The following CLNK variants were observed in gnomAD, a reference collection of about 807,000 sequenced individuals.
CLNK encodes cytokine dependent hematopoietic cell linker, also known as cytokine-dependent hematopoietic cell linker.
Under a neutral mutation model 68.6 loss-of-function variants are expected in CLNK, and 74 were observed. The observed-to-expected ratio is 1.08, with a 90% CI of 0.89 to 1.31. CLNK has a LOEUF of 1.31. Ranked by LOEUF, CLNK falls within the 50% of genes most tolerant of loss-of-function variation. The pLI is 0.00. For synonymous variants in CLNK, 198 were observed against 172.2 expected, an observed-to-expected ratio of 1.15 and a Z score of -1.17; for missense variants, 553 against 515.3, an observed-to-expected ratio of 1.07 and a Z score of -0.71.
chr4:10,654,869 G>T (rs1158045272), intron 2 of CLNK, among the ~76,000 whole-genome samples: 1 of 152,016 alleles, frequency 6.6e-6, no homozygotes, highest in Non-Finnish European at 1.5e-5. Context: ...TTGGGAGGCC[G>T]AGGCGGGCGG....
At chr4:10,648,048 C>T (rs955291116) in intron 2 of CLNK, among the ~76,000 whole-genome samples, 3 of 152,134 alleles carry the variant, frequency 2.0e-5, no homozygotes, top group Non-Finnish European at 4.4e-5. Context: ...GGCTGGAAAC[C>T]AGAAAAAATT....
At chr4:10,656,477 A>G (rs1375634548) in intron 2 of CLNK, 1 of 152,108 alleles carries the variant, frequency 6.6e-6, no homozygotes, top group East Asian at 1.9e-4. Context: ...AAGCTATACT[A>G]TAGTCAAAAA....
chr4:10,720,396 G>A, the CLNK span, among the ~76,000 whole-genome samples: 2 of 151,822 alleles, frequency 1.3e-5, no homozygotes, highest in African/African-American at 2.4e-5. Context: ...CTCAAAACCC[G>A]ATGAAAAAAA....
At chr4:10,671,212 C>G (rs1388450501) in intron 1 of CLNK, among the ~76,000 whole-genome samples, 2 of 152,048 alleles carry the variant, frequency 1.3e-5, no homozygotes, top group Non-Finnish European at 1.5e-5. Context: ...ATGGTGGAAC[C>G]CGTCTCTACT....
intron 4 of CLNK, among the ~76,000 whole-genome samples, chr4:10,575,636 C>T (rs902932310): frequency 1.6e-4 from 24 of 152,242 alleles, no homozygotes; most frequent in Non-Finnish European, 2.9e-4. Flanking sequence ...GCGTGGATCT[C>T]CCAGCCCTGG....
chr4:10,731,362 C>T, the CLNK span, among the ~76,000 whole-genome samples: 49 of 152,308 alleles, frequency 3.2e-4, no homozygotes, highest in African/African-American at 8.9e-4. Context: ...CCGGGTGGTT[C>T]GGGGCTCCCA....
chr4:10,699,157 G>C, the CLNK span, among the ~76,000 whole-genome samples: 1 of 131,642 alleles, frequency 7.6e-6, no homozygotes, highest in Non-Finnish European at 1.6e-5. Context: ...ATGATCGTAT[G>C]AGCCAATTCC....
At chr4:10,578,733 G>A (rs1002915746) in intron 4 of CLNK, among the ~76,000 whole-genome samples, 2 of 151,508 alleles carry the variant, frequency 1.3e-5, no homozygotes, top group African/African-American at 2.4e-5. Flanking sequence ...CACCACATCT[G>A]GCTAATTTTT....
chr4:10,699,811 G>T, the CLNK span, among the ~76,000 whole-genome samples: 2 of 151,898 alleles, frequency 1.3e-5, no homozygotes, highest in African/African-American at 4.8e-5. Context: ...ACGGCACCCC[G>T]CCACTCCATA....
chr4:10,642,760 A>C (rs1454261665), intron 2 of CLNK, among the ~76,000 whole-genome samples: 4 of 152,206 alleles, frequency 2.6e-5, no homozygotes, highest in Non-Finnish European at 4.4e-5. Flanking sequence ...AAAGTCATCT[A>C]ACTTCTTTAA....
chr4:10,678,134 C>T (rs772320232), intron 1 of CLNK, among the ~76,000 whole-genome samples: 119 of 152,164 alleles, frequency 7.8e-4, no homozygotes, highest in Non-Finnish European at 1.4e-3. Flanking sequence ...TTTTTCTCTT[C>T]TTTTATTCAG....
intron 15 of CLNK, among the ~76,000 whole-genome samples, chr4:10,519,756 G>A (rs536404922): frequency 3.3e-4 from 51 of 152,282 alleles, no homozygotes; most frequent in African/African-American, 9.9e-4. Context: ...GAAGAAAAGA[G>A]AATGCAGAAA....
At chr4:10,686,628 C>T (rs1235279481), upstream of CLNK, among the ~76,000 whole-genome samples, 2 of 150,218 alleles carry the variant, frequency 1.3e-5, no homozygotes, top group East Asian at 2.0e-4. Context: ...CTGCTTGCAT[C>T]CTAGATGCCA....
At chr4:10,573,834 T>C (rs888097315) in intron 4 of CLNK, among the ~76,000 whole-genome samples, 13 of 152,106 alleles carry the variant, frequency 8.5e-5, no homozygotes, top group Non-Finnish European at 5.9e-5. Flanking sequence ...TCTGTGTCTG[T>C]GGGTACAGAC....
intron 5 of CLNK, among the ~76,000 whole-genome samples, chr4:10,568,036 G>A (rs531722878): frequency 6.6e-6 from 1 of 152,280 alleles, no homozygotes; most frequent in African/African-American, 2.4e-5. Context: ...GTTAAACACA[G>A]AGCTACCATA....
chr4:10,635,503 T>C (rs938170701), intron 2 of CLNK, among the ~76,000 whole-genome samples: 2 of 152,202 alleles, frequency 1.3e-5, no homozygotes, highest in Admixed American at 6.5e-5. Context: ...GATATATACT[T>C]AGATACTCTC....
chr4:10,642,418 C>A (rs1431676401), intron 2 of CLNK, among the ~76,000 whole-genome samples: 1 of 152,088 alleles, frequency 6.6e-6, no homozygotes, highest in African/African-American at 2.4e-5. Context: ...GAATAAGGAA[C>A]ATTTTTTTTC....
At chr4:10,717,690 C>G in the CLNK span, among the ~76,000 whole-genome samples, 2 of 152,224 alleles carry the variant, frequency 1.3e-5, no homozygotes, top group South Asian at 2.1e-4. Flanking sequence ...AATACCCACA[C>G]TATCCCTGGG....
chr4:10,691,939 C>A, the CLNK span: 10 of 152,110 alleles, frequency 6.6e-5, no homozygotes, highest in African/African-American at 1.9e-4. Context: ...AGAAATGAAG[C>A]CAATTTCAAC....
Sources: gnomAD v4.1 joint callset for allele counts (sites outside exome capture counted in the v4.1 genomes callset) on GRCh38, gnomAD v4.1.1 for gene constraint, MANE v1.5 for transcripts, NCBI Gene and HGNC (gene_info 2026-07-23, HGNC 2026-07-21) for gene names.